The following PJA2 variants were observed in gnomAD, a reference collection of about 807,000 sequenced individuals.
PJA2 encodes the protein praja ring finger ubiquitin ligase 2, also known as E3 ubiquitin-protein ligase Praja-2.
A neutral mutation model predicts 69.3 loss-of-function variants in PJA2; 25 were observed. The ratio of observed to expected loss-of-function variants is 0.36; its 90% CI spans 0.26 to 0.50. The LOEUF (loss-of-function observed/expected upper bound fraction) is 0.50. Among genes scored for constraint, PJA2 ranks in the 20% least tolerant of loss-of-function variants. PJA2 has a pLI of 0.96. For synonymous variants in PJA2, 308 were observed against 277.8 expected (o/e 1.11, Z -1.08); for missense variants, 809 against 830.2 (o/e 0.97, Z 0.31).
chr5:109,378,331 G>C lies in PJA2; in HGVS notation c.1156C>G (p.Gln386Glu), dbSNP rs1746943011. The change falls in exon 4 of 10, where the codon CAA (glutamine) becomes GAA (glutamate). Residue 386 changes from glutamine to glutamate, a missense_variant. Gln to Glu is a conservative substitution (Grantham distance 29). Coordinates refer to ENST00000361189, the MANE Select transcript of PJA2 (RefSeq NM_014819.5). ...ATTTGGTTATTTTCTGTTTCCCTTTGTGTAATAACTCTTGAGTATGGTGGA... is the reference window on the plus strand; with the variant it reads ...ATTTGGTTATTTTCTGTTTCCCTTTCTGTAATAACTCTTGAGTATGGTGGA... Reference protein sequence around the residue: ...LDPPYSRVITQRETENNQMTS... With the variant: ...LDPPYSRVITERETENNQMTS... 6.2e-7 allele frequency: 1 copy of C among 1,614,012 alleles called. No individual in the cohort carries two copies. Among genetic ancestry groups the C allele is most frequent in the Non-Finnish European group, 8.5e-7 (1 of 1,179,972 alleles).
At position 109,378,933 on chromosome 5, in the gene PJA2, G is replaced by T; in HGVS notation, c.554C>A (p.Ala185Glu). The stretch of plus-strand genomic sequence containing the variant: ...GTATCTACTACCTTCCACGACTTCT[G>T]CAGAAAGTTGAAGATGGTCATTATC... ...GEDNDHLQLSAEVVEGSRYQE... is the reference protein window; with the variant it reads ...GEDNDHLQLSEEVVEGSRYQE... The change falls in exon 4 of 10, where the codon GCA (alanine) becomes GAA (glutamate). Residue 185 changes from alanine (A) to glutamate (E), a missense_variant. By Grantham distance (107) the Ala-to-Glu change is moderately radical (BLOSUM62 -1). Around this residue, in one of 4 missense-constraint regions of PJA2, gnomAD observed 700 missense variants for 639.5 expected, o/e 1.09. Coordinates refer to ENST00000361189, the MANE Select transcript of PJA2 (RefSeq NM_014819.5). 6.2e-7 allele frequency: 1 copy of T among 1,614,134 alleles called. No individual in the cohort carries two copies. Among genetic ancestry groups the T allele is most frequent in the Non-Finnish European group, 8.5e-7 (1 of 1,180,022 alleles).
intron 1 of PJA2, among the ~76,000 whole-genome samples, chr5:109,406,452 CAA>C (rs1261551238): frequency 1.3e-5 from 2 of 152,140 alleles, no homozygotes; most frequent in Non-Finnish European, 2.9e-5. Flanking sequence ...CTGGTAAATG[CAA>C]ATCAAAATCC....
At chr5:109,372,992 G>T (rs529011508) in intron 4 of PJA2, among the ~76,000 whole-genome samples, 195 of 151,454 alleles carry the variant, frequency 1.3e-3, no homozygotes, top group African/African-American at 4.6e-3. Context: ...TACTCAGGAG[G>T]CTGAGGCAGG....
At chr5:109,350,590 G>A (rs114465097) in intron 7 of PJA2, among the ~76,000 whole-genome samples, 35 of 152,264 alleles carry the variant, frequency 2.3e-4, no homozygotes, top group African/African-American at 8.2e-4. Context: ...TATTTACTGA[G>A]AGATTCCCAA....
intron 7 of PJA2, among the ~76,000 whole-genome samples, chr5:109,345,446 G>A (rs1479998932): frequency 2.0e-5 from 3 of 147,052 alleles, no homozygotes; most frequent in Admixed American, 1.4e-4. Flanking sequence ...GATCCTGGGA[G>A]GCAGAGGTTG....
At chr5:109,401,046 C>T (rs575617307) in intron 1 of PJA2, among the ~76,000 whole-genome samples, 1 of 152,238 alleles carries the variant, frequency 6.6e-6, no homozygotes, top group African/African-American at 2.4e-5. Flanking sequence ...AATCCCAGCA[C>T]TTTGGGAGGC....
chr5:109,370,779 C>G (rs1762663138), intron 4 of PJA2, among the ~76,000 whole-genome samples: 1 of 151,948 alleles, frequency 6.6e-6, no homozygotes, highest in Non-Finnish European at 1.5e-5. Flanking sequence ...ATGTCTTTAA[C>G]AATTAGGGTA....
chr5:109,383,337 T>C, intron 2 of PJA2, 66 bp downstream of exon 2: 1 of 1,371,774 alleles, frequency 7.3e-7, no homozygotes, highest in African/African-American at 1.4e-5. Context: ...TGTCACTTAC[T>C]GGTACTCAAG....
chr5:109,381,518 T>C lies in PJA2; in HGVS notation c.217A>G (p.Lys73Glu), dbSNP rs1227506620. 6.2e-7 allele frequency: 1 copy of C among 1,614,044 alleles called. No homozygotes were observed. Among genetic ancestry groups the C allele is most frequent in the East Asian group, 2.2e-5 (1 of 44,866 alleles). The change falls in exon 3 of 10, where the codon AAG becomes GAG. Residue 73 changes from lysine to glutamate, a missense_variant. Around this residue, in one of 4 missense-constraint regions of PJA2, gnomAD observed 700 missense variants for 639.5 expected, o/e 1.09. Transcript: ENST00000361189. ...TGTTACACACCTGAGGAATTTTCCT[T>C]TGGAACATCATCTAGTTCCAACACT... ...YEVLELDDVPKENSSGSSPLD... is the reference protein window; with the variant it reads ...YEVLELDDVPEENSSGSSPLD...
At chr5:109,356,960 G>A (rs1281892110) in intron 6 of PJA2, among the ~76,000 whole-genome samples, 1 of 152,008 alleles carries the variant, frequency 6.6e-6, no homozygotes, top group African/African-American at 2.4e-5. Context: ...TCTAGTCTTG[G>A]AAATACTATG....
chr5:109,357,943 T>C (rs1320546807), intron 6 of PJA2, among the ~76,000 whole-genome samples: 2 of 152,250 alleles, frequency 1.3e-5, no homozygotes, highest in Non-Finnish European at 2.9e-5. Flanking sequence ...AAGTTGTAAT[T>C]TGGCCACTAC....
chr5:109,341,777 G>A (rs1762067170), intron 9 of PJA2, among the ~76,000 whole-genome samples: 2 of 100,388 alleles, frequency 2.0e-5, no homozygotes, highest in Non-Finnish European at 4.2e-5. Context: ...GAGGGAGGTG[G>A]GGGGGTCGGC....
At chr5:109,345,699 G>A (rs1762163438) in intron 7 of PJA2, among the ~76,000 whole-genome samples, 2 of 152,112 alleles carry the variant, frequency 1.3e-5, no homozygotes, top group South Asian at 4.1e-4. Context: ...GAGGCTACTA[G>A]AAGCTCCAGG....
chr5:109,405,753 C>T (rs1747672479), intron 1 of PJA2, among the ~76,000 whole-genome samples: 1 of 152,116 alleles, frequency 6.6e-6, no homozygotes, highest in African/African-American at 2.4e-5. Context: ...GGATAATGTG[C>T]CTTGACATGA....
At chr5:109,343,258 G>A (rs1762109269) in intron 9 of PJA2, among the ~76,000 whole-genome samples, 1 of 85,790 alleles carries the variant, frequency 1.2e-5, no homozygotes, top group Admixed American at 1.5e-4. Context: ...AGGATTAAAT[G>A]GATTAAGGGC....
intron 9 of PJA2, among the ~76,000 whole-genome samples, chr5:109,342,395 C>T (rs1762086228): frequency 1.6e-5 from 2 of 126,744 alleles, no homozygotes; most frequent in African/African-American, 3.1e-5. Flanking sequence ...GGCCCCCTGC[C>T]CGGCCAGCCG....
intron 6 of PJA2, among the ~76,000 whole-genome samples, chr5:109,358,475 A>G (rs1300589868): frequency 1.3e-5 from 2 of 152,102 alleles, no homozygotes; most frequent in Non-Finnish European, 2.9e-5. Flanking sequence ...CTGATTTCCC[A>G]TTTCACACCT....
chr5:109,360,535 T>C (rs2126997602), intron 6 of PJA2, among the ~76,000 whole-genome samples: 1 of 152,296 alleles, frequency 6.6e-6, no homozygotes, highest in South Asian at 2.1e-4. Flanking sequence ...CCCCATAGCA[T>C]GCTATTTTAA....
At chr5:109,337,400 C>A in intron 9 of PJA2, 44 bp from the exon 10 acceptor site, 1 of 1,534,570 alleles carries the variant, frequency 6.5e-7, no homozygotes, top group Non-Finnish European at 8.8e-7. Flanking sequence ...ATCATCTTAA[C>A]TGCCACACAA....
Sources: allele counts gnomAD v4.1 joint callset (sites outside exome capture counted in the v4.1 genomes callset), GRCh38; gene constraint gnomAD v4.1.1; regional missense constraint gnomAD v4.1.1; transcripts MANE v1.5; gene names NCBI Gene and HGNC (gene_info 2026-07-23, HGNC 2026-07-21).